The following CSMD1 variants were observed in gnomAD, a reference collection of about 807,000 sequenced individuals.
CSMD1 encodes CUB and sushi domain-containing protein 1.
Under a neutral mutation model 417.5 loss-of-function variants are expected in CSMD1, and 213 were observed. The ratio of observed to expected loss-of-function variants is 0.51; its 90% CI spans 0.46 to 0.57. The LOEUF (loss-of-function observed/expected upper bound fraction) is 0.57. CSMD1 is among the 20% of genes least tolerant of loss of function. CSMD1 has a pLI of 0.00. For missense variants in CSMD1, 6,923 were observed against 4,529.7 expected (o/e 1.53, Z -15.17); for synonymous variants, 2,862 against 1,736.8 (o/e 1.65, Z -16.11).
intron 6 of CSMD1, among the ~76,000 whole-genome samples, chr8:3,730,885 CT>C (rs1280336714): frequency 6.6e-6 from 1 of 152,118 alleles, no homozygotes; most frequent in African/African-American, 2.4e-5. Flanking sequence ...CTTTTAGCCA[CT>C]ATAATACGTA....
intron 5 of CSMD1, among the ~76,000 whole-genome samples, chr8:3,861,126 T>C (rs527259489): frequency 6.6e-6 from 1 of 152,274 alleles, no homozygotes; most frequent in East Asian, 1.9e-4. Flanking sequence ...CTTTCTATCA[T>C]ATGCCAAAAA....
Position 4,966,848 on chromosome 8 carries a change from T to C in CSMD1, c.85+27484A>G, listed in dbSNP as rs62489447. Among the ~76,000 whole-genome samples the C allele has an allele frequency of 4.9e-3, 748 of 152,272 alleles. 3 individuals carry two copies. The highest frequency in any genetic ancestry group is 0.014 in the Middle Eastern group (4 of 294). ...CAACATGCCCTTCAAATTACTGAAG[T>C]TAATTATGTAAGATCATCTTTCCCT... On this transcript the variant is annotated intron_variant, in intron 1 of 69. Transcript: ENST00000635120.
chr8:4,596,458 A>G (rs1800283302), intron 2 of CSMD1, among the ~76,000 whole-genome samples: 1 of 152,178 alleles, frequency 6.6e-6, no homozygotes, highest in South Asian at 2.1e-4. Context: ...TTATGCAAAT[A>G]ATTTTCATCA....
chr8:3,364,290 A>G (rs1809404095), intron 20 of CSMD1, among the ~76,000 whole-genome samples: 2 of 152,232 alleles, frequency 1.3e-5, no homozygotes, highest in Non-Finnish European at 2.9e-5. Flanking sequence ...TCGACTTTGA[A>G]ATCCAAAGTG....
At chr8:4,257,806 G>C (rs1803570993) in intron 3 of CSMD1, among the ~76,000 whole-genome samples, 1 of 152,168 alleles carries the variant, frequency 6.6e-6, no homozygotes, top group South Asian at 2.1e-4. Flanking sequence ...CATTTAATGT[G>C]CATGAGGTTG....
chr8:4,831,142 A>C (rs144924452), intron 1 of CSMD1, among the ~76,000 whole-genome samples: 126 of 152,318 alleles, frequency 8.3e-4, no homozygotes, highest in African/African-American at 3.0e-3. Context: ...ACTTCGTTAA[A>C]TCATCCGTTA....
intron 5 of CSMD1, among the ~76,000 whole-genome samples, chr8:3,791,806 G>A (rs938618770): frequency 1.3e-5 from 2 of 151,536 alleles, no homozygotes; most frequent in Non-Finnish European, 2.9e-5. Context: ...CTGGGTGACA[G>A]AATAAGACTC....
chr8:4,433,838 G>GAAAAA (rs1798003975), intron 2 of CSMD1, among the ~76,000 whole-genome samples: 1 of 148,350 alleles, frequency 6.7e-6, no homozygotes, highest in African/African-American at 2.4e-5. Context: ...GGAAAAAAAG[G>GAAAAA]GAAAAAAGAC....
chr8:3,500,994 T>A (rs908266537), intron 10 of CSMD1, among the ~76,000 whole-genome samples: 1 of 152,190 alleles, frequency 6.6e-6, no homozygotes, highest in Non-Finnish European at 1.5e-5. Context: ...GAAAGAAATA[T>A]TGTTGCTACT....
At chr8:3,544,471 A>C (rs1040659191) in intron 10 of CSMD1, among the ~76,000 whole-genome samples, 6 of 151,940 alleles carry the variant, frequency 3.9e-5, no homozygotes. Flanking sequence ...CTGTCCATGG[A>C]GTAGCTTGCT....
chr8:3,384,436 T>C (rs939284719), intron 18 of CSMD1, among the ~76,000 whole-genome samples: 1 of 151,602 alleles, frequency 6.6e-6, no homozygotes, highest in African/African-American at 2.4e-5. Context: ...GATCTGTTAC[T>C]AGAATCCTTA....
At chr8:4,273,992 T>C (rs1804764161) in intron 3 of CSMD1, among the ~76,000 whole-genome samples, 2 of 152,216 alleles carry the variant, frequency 1.3e-5, no homozygotes, top group Non-Finnish European at 2.9e-5. Context: ...CTATCAGTGA[T>C]AACCGCATGC....
chr8:3,772,942 C>G (rs369494487), intron 5 of CSMD1, among the ~76,000 whole-genome samples: 10 of 152,010 alleles, frequency 6.6e-5, no homozygotes, highest in African/African-American at 2.2e-4. Context: ...GTTCTGGGGT[C>G]TGGAGGTTCA....
intron 47 of CSMD1, among the ~76,000 whole-genome samples, chr8:3,096,058 T>C (rs1815271525): frequency 6.6e-6 from 1 of 152,122 alleles, no homozygotes; most frequent in Admixed American, 6.6e-5. Context: ...CAAAAATACC[T>C]CTAGGCCTAA....
At chr8:3,078,298 C>T (rs1314298646) in intron 49 of CSMD1, among the ~76,000 whole-genome samples, 1 of 152,144 alleles carries the variant, frequency 6.6e-6, no homozygotes, top group Non-Finnish European at 1.5e-5. Flanking sequence ...TTATTATTAG[C>T]CACATTTCAC....
intron 2 of CSMD1, among the ~76,000 whole-genome samples, chr8:4,481,646 G>C (rs991644732): frequency 6.6e-6 from 1 of 152,070 alleles, no homozygotes; most frequent in Non-Finnish European, 1.5e-5. Flanking sequence ...AGCACCAAGA[G>C]GTTAAATACC....
Position 4,176,994 on chromosome 8 carries a change from C to A in CSMD1, c.416-144895G>T, listed in dbSNP as rs557571648. 1.3e-4 allele frequency among the ~76,000 whole-genome samples: 19 copies of A among 151,988 alleles called. No individual in the cohort carries two copies. The South Asian group carries it at 3.5e-3, about 28-fold the overall frequency. ...ACAATAAAAATGGGAGACTTTAACA[C>A]CCCACTGTCAACATTAGAAATATCA... On this transcript the variant is annotated intron_variant, in intron 3 of 69. Coordinates refer to ENST00000635120, the MANE Select transcript of CSMD1 (RefSeq NM_033225.6).
intron 3 of CSMD1, among the ~76,000 whole-genome samples, chr8:4,126,963 C>T (rs1563157710): frequency 1.3e-5 from 2 of 152,108 alleles, no homozygotes; most frequent in Non-Finnish European, 2.9e-5. Context: ...AGGACCTACA[C>T]TGTCAAGCTG....
intron 3 of CSMD1, among the ~76,000 whole-genome samples, chr8:4,173,776 C>G (rs1286577325): frequency 1.3e-5 from 2 of 152,054 alleles, no homozygotes; most frequent in East Asian, 3.9e-4. Context: ...GTAACTCATT[C>G]TATGACTCAA....
Sources: allele counts gnomAD v4.1 joint callset (sites outside exome capture counted in the v4.1 genomes callset), GRCh38; gene constraint gnomAD v4.1.1; transcripts MANE v1.5; gene names NCBI Gene and HGNC (gene_info 2026-07-23, HGNC 2026-07-21).